The following FXR1 variants were observed in gnomAD, a reference collection of about 807,000 sequenced individuals.
FXR1 encodes FMR1 autosomal homolog 1, also known as RNA-binding protein FXR1.
FXR1 carries 15 observed loss-of-function variants against 84.0 expected under a neutral mutation model. The ratio of observed to expected loss-of-function variants is 0.18; its 90% CI spans 0.12 to 0.27. The LOEUF is 0.27. Ranked by LOEUF, FXR1 falls within the 10% of genes least tolerant of loss-of-function variation. The probability of loss-of-function intolerance (pLI) is 1.00; values close to 1 mark genes in which losing one functional copy is unlikely to be tolerated. For missense variants in FXR1, 480 were observed against 774.4 expected, an observed-to-expected ratio of 0.62 and a Z score of 4.51; for synonymous variants, 245 against 250.7, an observed-to-expected ratio of 0.98 and a Z score of 0.21.
In FXR1 at chr3:180,918,037, C is replaced by T. The variant is rs560606751; in HGVS notation, c.51+5301C>T. On this transcript the variant is annotated intron_variant, in intron 1 of 16. Coordinates refer to ENST00000357559, the MANE Select transcript of FXR1 (RefSeq NM_005087.4). Reference sequence around the variant, plus strand: ...GTATTAGAAGAGCAACACATAATTACGAAAAATATGAAAGCAGAAAAGCAC... The same window carrying T: ...GTATTAGAAGAGCAACACATAATTATGAAAAATATGAAAGCAGAAAAGCAC... Among the ~76,000 whole-genome samples the T allele has an allele frequency of 9.3e-5, 14 of 150,034 alleles. No homozygotes were observed. The South Asian group carries it at 2.3e-3, about 25-fold the overall frequency.
chr3:180,959,102 G>A (rs536996384), intron 10 of FXR1, among the ~76,000 whole-genome samples: 2 of 151,674 alleles, frequency 1.3e-5, no homozygotes, highest in Admixed American at 6.6e-5. Flanking sequence ...CACCGTGCCC[G>A]GCCTTGACCA....
At chr3:180,913,149 C>G (rs573995520) in intron 1 of FXR1, among the ~76,000 whole-genome samples, 4 of 152,088 alleles carry the variant, frequency 2.6e-5, no homozygotes, top group Non-Finnish European at 4.4e-5. Flanking sequence ...CTGGGCCGGG[C>G]GGGAGCTCCT....
At chr3:180,938,754 G>T (rs1457769363) in intron 3 of FXR1, among the ~76,000 whole-genome samples, 1 of 152,036 alleles carries the variant, frequency 6.6e-6, no homozygotes, top group Non-Finnish European at 1.5e-5. Context: ...CTCCATGTTG[G>T]TCAGGCTGGT....
At chr3:180,937,429 T>C (rs1357435664) in intron 3 of FXR1, among the ~76,000 whole-genome samples, 1 of 152,144 alleles carries the variant, frequency 6.6e-6, no homozygotes, top group Non-Finnish European at 1.5e-5. Context: ...CTGAACAGTC[T>C]GGCTCACCCC....
At chr3:180,921,483 A>C (rs1718586397) in intron 1 of FXR1, among the ~76,000 whole-genome samples, 1 of 152,032 alleles carries the variant, frequency 6.6e-6, no homozygotes, top group African/African-American at 2.4e-5. Flanking sequence ...GAATAATTTT[A>C]CTTTGTAGAT....
At position 180,981,437 on chromosome 3, in the gene FXR1, T is replaced by G. The variant is rs202106534; in HGVS notation, c.*5145T>G. 7.2e-5 allele frequency: 11 copies of G among 152,082 alleles called. No individual in the cohort carries two copies. The East Asian group carries it at 2.1e-3, about 29-fold the overall frequency. The allele number at this position is 152,082 out of a possible 1,614,324, so 9.4% of individuals were successfully genotyped here. ...AGGAGAACTTGCTTAAAACTAAAGG[T>G]GGAGAAAGAGTTAACTTCCAGGACA... On this transcript the variant is annotated 3_prime_UTR_variant, in exon 17 of 17. Coordinates refer to ENST00000357559, the MANE Select transcript of FXR1 (RefSeq NM_005087.4).
intron 13 of FXR1, among the ~76,000 whole-genome samples, chr3:180,967,307 T>C (rs1270081583): frequency 6.6e-6 from 1 of 152,170 alleles, no homozygotes; most frequent in African/African-American, 2.4e-5. Context: ...TTCTAGCTTA[T>C]AATAAAGATG....
At chr3:180,975,271 A>T in intron 15 of FXR1, 42 bp from the exon 16 acceptor site, 1 of 782,444 alleles carries the variant, frequency 1.3e-6, no homozygotes, top group East Asian at 2.7e-5. Context: ...AACTTTAGAA[A>T]TATTTTTTCA....
chr3:180,970,421 T>TATATATATAA (rs1553779032), intron 15 of FXR1, 63 bp downstream of exon 15: 1 of 268,454 alleles, frequency 3.7e-6, no homozygotes, highest in Non-Finnish European at 6.7e-6. Context: ...TATATATATA[T>TATATATATAA]AATTGTAAAC....
At chr3:180,955,930 C>A (rs1489922962) in intron 9 of FXR1, among the ~76,000 whole-genome samples, 46 of 152,268 alleles carry the variant, frequency 3.0e-4, no homozygotes, top group Non-Finnish European at 5.9e-5. Flanking sequence ...ATAGGAAATA[C>A]ACATTAGCAG....
At chr3:180,913,344 A>C (rs929527411) in intron 1 of FXR1, among the ~76,000 whole-genome samples, 6 of 152,194 alleles carry the variant, frequency 3.9e-5, no homozygotes, top group African/African-American at 1.4e-4. Flanking sequence ...GCGGGTTGGA[A>C]TATTTTTGCG....
Position 180,981,494 on chromosome 3 carries a change from C to A in FXR1, c.*5202C>A, listed in dbSNP as rs549120955. 6.6e-6 allele frequency: 1 copy of A among 152,122 alleles called. No individual in the cohort carries two copies. The highest frequency in any genetic ancestry group is 2.1e-4 in the South Asian group (1 of 4,832). 9.4% of individuals were successfully genotyped at this position (152,122 alleles called of 1,614,324 possible). On this transcript the variant is annotated 3_prime_UTR_variant, in exon 17 of 17. Coordinates refer to ENST00000357559, the MANE Select transcript of FXR1 (RefSeq NM_005087.4). ...TATAGCTCACTTCTTACCAACAAAG[C>A]AGTTTTTATACAGCACCTTAGGACT...
At chr3:180,956,126 G>A (rs1722717461) in intron 9 of FXR1, among the ~76,000 whole-genome samples, 1 of 152,148 alleles carries the variant, frequency 6.6e-6, no homozygotes, top group African/African-American at 2.4e-5. Flanking sequence ...GAGAACACTT[G>A]GGTAAGTTCC....
intron 10 of FXR1, among the ~76,000 whole-genome samples, chr3:180,959,647 C>T (rs1711832720): frequency 6.6e-6 from 1 of 151,432 alleles, no homozygotes; most frequent in Admixed American, 6.6e-5. Context: ...GCCCTCCCAC[C>T]CCCCTTTTTA....
chr3:180,942,477 A>T (rs1313791157), intron 3 of FXR1, among the ~76,000 whole-genome samples: 4 of 151,342 alleles, frequency 2.6e-5, no homozygotes, highest in African/African-American at 9.7e-5. Context: ...ATTACATTTA[A>T]ATCACTCACA....
At chr3:180,930,954 G>A (rs1719813317) in intron 1 of FXR1, among the ~76,000 whole-genome samples, 1 of 148,464 alleles carries the variant, frequency 6.7e-6, no homozygotes, top group South Asian at 2.2e-4. Flanking sequence ...GCTTGAGCCA[G>A]GGAGGTGGAG....
chr3:180,972,930 G>C (rs1315745082), intron 15 of FXR1, among the ~76,000 whole-genome samples: 1 of 152,248 alleles, frequency 6.6e-6, no homozygotes, highest in East Asian at 1.9e-4. Flanking sequence ...TCAATATTCT[G>C]TTTAAAACAC....
rs1299623226 is a variant in FXR1 at position 180,979,541 on chromosome 3, C to G, written c.*3249C>G. The G allele has an allele frequency of 1.3e-5, 2 of 151,976 alleles. No homozygotes were observed. Among genetic ancestry groups the G allele is most frequent in the Non-Finnish European group, 2.9e-5 (2 of 67,948 alleles). The allele number at this position is 151,976 out of a possible 1,614,324, so 9.4% of individuals were successfully genotyped here. ...ATATCTGTCTGCTATAGTGAATTTGCTAGCCCCTTATTTTTTTTTTTAATT... is the reference window on the plus strand; with the variant it reads ...ATATCTGTCTGCTATAGTGAATTTGGTAGCCCCTTATTTTTTTTTTTAATT... On this transcript the variant is annotated 3_prime_UTR_variant, in exon 17 of 17. Coordinates refer to ENST00000357559, the MANE Select transcript of FXR1 (RefSeq NM_005087.4).
At chr3:180,964,673 T>TTA (rs10600370) in intron 13 of FXR1, among the ~76,000 whole-genome samples, 6,001 of 136,204 alleles carry the variant, frequency 0.044, 169 homozygotes, top group East Asian at 0.11. Context: ...TGTAGTTGAT[T>TTA]TATATATATA....
Sources: gnomAD v4.1 joint callset for allele counts (sites outside exome capture counted in the v4.1 genomes callset) on GRCh38, gnomAD v4.1.1 for gene constraint, MANE v1.5 for transcripts, NCBI Gene and HGNC (gene_info 2026-07-23, HGNC 2026-07-21) for gene names.